The following STAG1 variants were observed in gnomAD, a reference collection of about 807,000 sequenced individuals.
STAG1 encodes cohesin subunit SA-1.
In STAG1, 26 loss-of-function variants were observed where a neutral mutation model predicts 170.9. That is an observed-to-expected ratio of 0.15 (90% confidence interval 0.11 to 0.21). The LOEUF (loss-of-function observed/expected upper bound fraction) is 0.21. Among genes scored for constraint, STAG1 ranks in the 10% least tolerant of loss-of-function variants. The pLI, the probability that STAG1 is intolerant of heterozygous loss-of-function variation, is 1.00. For missense variants in STAG1, 964 were observed against 1,509.5 expected, an observed-to-expected ratio of 0.64 and a Z score of 5.99; for synonymous variants, 514 against 497.7, an observed-to-expected ratio of 1.03 and a Z score of -0.44.
At chr3:136,431,444 TG>T (rs2088302542) in intron 16 of STAG1, among the ~76,000 whole-genome samples, 1 of 151,898 alleles carries the variant, frequency 6.6e-6, no homozygotes, top group Non-Finnish European at 1.5e-5. Flanking sequence ...GGCTAATTTT[TG>T]TATTTTTAGT....
chr3:136,403,263 A>T (rs2087388755), intron 21 of STAG1, among the ~76,000 whole-genome samples: 1 of 148,722 alleles, frequency 6.7e-6, no homozygotes, highest in Non-Finnish European at 1.5e-5. Flanking sequence ...AGAAAAGAAA[A>T]GAAAAAAAAA....
intron 22 of STAG1, among the ~76,000 whole-genome samples, chr3:136,382,357 T>C (rs2108314985): frequency 6.6e-6 from 1 of 151,718 alleles, no homozygotes; most frequent in South Asian, 2.1e-4. Flanking sequence ...TAATTAACAG[T>C]AGTATTTTAA....
chr3:136,343,708 C>A, intron 30 of STAG1, 124 bp downstream of exon 30: 1 of 613,746 alleles, frequency 1.6e-6, no homozygotes, highest in Non-Finnish European at 2.6e-6. Context: ...AAGTGTTTAC[C>A]CTCCGTTTGT....
chr3:136,660,640 A>G (rs1941547981), intron 1 of STAG1, among the ~76,000 whole-genome samples: 1 of 152,210 alleles, frequency 6.6e-6, no homozygotes, highest in Non-Finnish European at 1.5e-5. Flanking sequence ...ACACATTCTA[A>G]GTTTCCTACA....
At chr3:136,687,502 TC>T (rs1942571271) in intron 1 of STAG1, among the ~76,000 whole-genome samples, 1 of 152,034 alleles carries the variant, frequency 6.6e-6, no homozygotes, top group Non-Finnish European at 1.5e-5. Flanking sequence ...CATAAGTGGG[TC>T]CAAAAACTCG....
At chr3:136,409,901 A>T (rs1273252982) in intron 21 of STAG1, among the ~76,000 whole-genome samples, 1 of 151,966 alleles carries the variant, frequency 6.6e-6, no homozygotes, top group Non-Finnish European at 1.5e-5. Context: ...CAACATAGCG[A>T]GACCCCATCT....
intron 29 of STAG1, among the ~76,000 whole-genome samples, chr3:136,348,127 G>C (rs1168645452): frequency 6.6e-6 from 1 of 152,096 alleles, no homozygotes; most frequent in African/African-American, 2.4e-5. Context: ...GTTATAAAAA[G>C]AACAAGAGAG....
intron 4 of STAG1, among the ~76,000 whole-genome samples, chr3:136,580,566 G>A (rs1410609760): frequency 5.3e-4 from 67 of 125,356 alleles, no homozygotes; most frequent in Non-Finnish European, 8.2e-4. Flanking sequence ...TCGCTCTGTC[G>A]CCCAGGCCGG....
intron 1 of STAG1, among the ~76,000 whole-genome samples, chr3:136,707,742 C>T (rs1235524929): frequency 6.6e-6 from 1 of 152,144 alleles, no homozygotes; most frequent in Non-Finnish European, 1.5e-5. Context: ...TACAACAACA[C>T]ACTCTTGCCG....
intron 1 of STAG1, among the ~76,000 whole-genome samples, chr3:136,637,835 T>C (rs1940632383): frequency 6.6e-6 from 1 of 152,110 alleles, no homozygotes; most frequent in Admixed American, 6.6e-5. Context: ...AAGGTATTGT[T>C]TGTCCTTTTT....
intron 4 of STAG1, among the ~76,000 whole-genome samples, chr3:136,586,259 C>T (rs577670056): frequency 2.8e-4 from 41 of 147,080 alleles, no homozygotes; most frequent in East Asian, 2.0e-3. Flanking sequence ...TATACATATA[C>T]ACACACACAC....
In STAG1 at chr3:136,433,658, T is replaced by G; in HGVS notation, c.1548A>C (p.Ala516=). The part of the protein sequence containing the change: ...LLEEPVQGEE[A]MSDRQESALI... Reference sequence around the variant, plus strand: ...GAGCACTCTCTTGACGATCAGACATTGCTAAGGTAAAACAAAATACATGAG... The same window carrying G: ...GAGCACTCTCTTGACGATCAGACATGGCTAAGGTAAAACAAAATACATGAG... Residue 516 remains alanine (A), a splice_region_variant and synonymous_variant, in exon 16 of 34, where the codon GCA becomes GCC. Transcript: ENST00000383202. The G allele has an allele frequency of 6.2e-7, 1 of 1,609,132 alleles. No homozygotes were observed. The highest frequency in any genetic ancestry group is 8.5e-7 in the Non-Finnish European group (1 of 1,177,348).
intron 5 of STAG1, among the ~76,000 whole-genome samples, chr3:136,544,777 T>A (rs1483539462): frequency 6.6e-6 from 1 of 151,522 alleles, no homozygotes; most frequent in Non-Finnish European, 1.5e-5. Flanking sequence ...AAAAAGTTTA[T>A]AGCTTTTATG....
At chr3:136,533,663 G>C (rs377221972) in intron 6 of STAG1, among the ~76,000 whole-genome samples, 1 of 152,126 alleles carries the variant, frequency 6.6e-6, no homozygotes, top group Admixed American at 6.6e-5. Flanking sequence ...TTACTGCAAG[G>C]AGGATACCAA....
At chr3:136,679,892 ACT>A (rs1247049861) in intron 1 of STAG1, among the ~76,000 whole-genome samples, 2 of 151,930 alleles carry the variant, frequency 1.3e-5, no homozygotes, top group African/African-American at 2.4e-5. Context: ...ACAGAGTGAG[ACT>A]CTGTCTCAGA....
intron 1 of STAG1, among the ~76,000 whole-genome samples, chr3:136,677,119 TA>T (rs1464415237): frequency 1.3e-5 from 2 of 152,184 alleles, no homozygotes; most frequent in African/African-American, 4.8e-5. Context: ...GAGTACACTC[TA>T]AAATAACAAT....
chr3:136,628,233 C>G (rs928323321), intron 2 of STAG1, among the ~76,000 whole-genome samples: 39 of 152,134 alleles, frequency 2.6e-4, no homozygotes, highest in African/African-American at 8.7e-4. Context: ...GCTTGCTTCC[C>G]CTTCACCTTC....
intron 4 of STAG1, among the ~76,000 whole-genome samples, chr3:136,575,350 A>C (rs567993370): frequency 6.6e-6 from 1 of 152,078 alleles, no homozygotes; most frequent in Admixed American, 6.6e-5. Context: ...TCAGCCTCTC[A>C]AGTAGCTGGG....
chr3:136,742,215 A>AT, intron 1 of STAG1, among the ~76,000 whole-genome samples: 1 of 152,330 alleles, frequency 6.6e-6, no homozygotes, highest in East Asian at 1.9e-4. Flanking sequence ...CCTTAACCTA[A>AT]TTGATAGTTA....
Sources: allele counts gnomAD v4.1 joint callset (sites outside exome capture counted in the v4.1 genomes callset), GRCh38; gene constraint gnomAD v4.1.1; transcripts MANE v1.5; gene names NCBI Gene and HGNC (gene_info 2026-07-23, HGNC 2026-07-21).